Variants in IL7 observed in about 807,000 individuals in gnomAD.
The protein encoded by IL7 is interleukin 7.
IL7 carries 3 observed loss-of-function variants against 21.6 expected under a neutral mutation model. That is an observed-to-expected ratio of 0.14 (90% CI 0.06 to 0.36). IL7 has a LOEUF of 0.36. Among genes scored for constraint, IL7 ranks in the 10% least tolerant of loss-of-function variants. The pLI, the probability that IL7 is intolerant of heterozygous loss-of-function variation, is 1.00. For missense variants in IL7, 175 were observed against 200.2 expected (o/e 0.87, Z 0.76); for synonymous variants, 62 against 68.1 (o/e 0.91, Z 0.44).
chr8:78,712,024 G>T (rs991393005), intron 3 of IL7: 4 of 1,289,496 alleles, frequency 3.1e-6, no homozygotes, highest in Non-Finnish European at 4.0e-6. Context: ...ACTTCGAACG[G>T]GAAGACTTGT....
At chr8:78,687,612 T>TTATATTTACGTAATACATTA (rs1810041147) in intron 3 of IL7, among the ~76,000 whole-genome samples, 1 of 135,558 alleles carries the variant, frequency 7.4e-6, no homozygotes, top group Admixed American at 8.1e-5. Context: ...ACATAATACA[T>TTATATTTACGTAATACATTA]TATATATATT....
At chr8:78,741,849 T>C (rs980248133) in intron 2 of IL7, among the ~76,000 whole-genome samples, 1 of 152,216 alleles carries the variant, frequency 6.6e-6, no homozygotes, top group Non-Finnish European at 1.5e-5. Flanking sequence ...TCTAAAATTC[T>C]TTTCATTCAT....
chr8:78,718,718 G>A (rs878885476), intron 6 of IL7: 1 of 151,732 alleles, frequency 6.6e-6, no homozygotes, highest in African/African-American at 2.4e-5. Context: ...TCACGACACA[G>A]CTCTTAATCA....
intron 2 of IL7, among the ~76,000 whole-genome samples, chr8:78,750,883 G>GA (rs1812145582): frequency 6.6e-6 from 1 of 152,114 alleles, no homozygotes; most frequent in African/African-American, 2.4e-5. Context: ...GAGCTGTAAT[G>GA]AAAAAATTAG....
intron 2 of IL7, chr8:78,762,448 G>C: frequency 6.4e-7 from 1 of 1,570,136 alleles, no homozygotes; most frequent in Non-Finnish European, 8.6e-7. Flanking sequence ...CCGCCCGCCG[G>C]CCGGTCCAGC....
At chr8:78,771,125 G>C (rs1351635851) in intron 2 of IL7, among the ~76,000 whole-genome samples, 1 of 152,108 alleles carries the variant, frequency 6.6e-6, no homozygotes. Context: ...ATGTCAGAAA[G>C]TGTTTTCCTA....
At chr8:78,793,313 A>C (rs1022143857) in intron 2 of IL7, among the ~76,000 whole-genome samples, 1 of 152,098 alleles carries the variant, frequency 6.6e-6, no homozygotes, top group African/African-American at 2.4e-5. Context: ...CTAGAATTAG[A>C]TAGTGATAAT....
intron 2 of IL7, among the ~76,000 whole-genome samples, chr8:78,770,452 C>G (rs1812912439): frequency 6.6e-6 from 1 of 152,066 alleles, no homozygotes; most frequent in Non-Finnish European, 1.5e-5. Flanking sequence ...AAAAATTCAC[C>G]TTGATATATC....
intron 1 of IL7, 84 bp downstream of exon 1, chr8:78,804,829 T>C: frequency 6.5e-7 from 1 of 1,529,690 alleles, no homozygotes; most frequent in Non-Finnish European, 9.0e-7. Flanking sequence ...CGGACTTGCC[T>C]AGGAGCAGGG....
At chr8:78,696,370 G>GTA (rs1447260377) in intron 3 of IL7, among the ~76,000 whole-genome samples, 1 of 152,076 alleles carries the variant, frequency 6.6e-6, no homozygotes, top group East Asian at 1.9e-4. Context: ...TCTTGATACC[G>GTA]TATTGGGCTA....
intron 2 of IL7, chr8:78,761,209 A>G (rs940130640): frequency 3.8e-5 from 60 of 1,592,100 alleles, no homozygotes; most frequent in Non-Finnish European, 4.7e-5. Context: ...GAAAAAGAAC[A>G]GAAATTACGT....
At chr8:78,712,073 C>T in intron 3 of IL7, 1 of 1,289,288 alleles carries the variant, frequency 7.8e-7, no homozygotes, top group Non-Finnish European at 1.0e-6. Context: ...TCAGACAGTG[C>T]CATCAAAAGA....
intron 3 of IL7, among the ~76,000 whole-genome samples, chr8:78,688,825 T>G (rs934373056): frequency 2.0e-5 from 3 of 152,276 alleles, no homozygotes; most frequent in African/African-American, 7.2e-5. Context: ...GCCTGTATTT[T>G]AAAATGTATT....
At chr8:78,750,092 A>T (rs776027068) in intron 2 of IL7, among the ~76,000 whole-genome samples, 3 of 151,976 alleles carry the variant, frequency 2.0e-5, no homozygotes, top group Non-Finnish European at 2.9e-5. Context: ...AAGGGCCTAA[A>T]CTCAAGGGTG....
chr8:78,777,126 G>C (rs992468234), intron 2 of IL7, among the ~76,000 whole-genome samples: 20 of 151,994 alleles, frequency 1.3e-4, no homozygotes, highest in African/African-American at 4.3e-4. Flanking sequence ...GTCTAGTTGA[G>C]ATTCACCTCT....
chr8:78,791,999 A>G (rs932735781), intron 2 of IL7, among the ~76,000 whole-genome samples: 3 of 152,204 alleles, frequency 2.0e-5, no homozygotes, highest in African/African-American at 4.8e-5. Context: ...AATGATTTTA[A>G]GAAAATAAAA....
At chr8:78,696,434 C>G (rs1333181413) in intron 3 of IL7, among the ~76,000 whole-genome samples, 2 of 152,130 alleles carry the variant, frequency 1.3e-5, no homozygotes, top group Admixed American at 1.3e-4. Context: ...AAGCATTGGG[C>G]TAGAACCAGC....
intron 5 of IL7, among the ~76,000 whole-genome samples, chr8:78,735,276 C>CTTTTTTTTTTTTTTTTGTTTTTTTTTTTT (rs1328298966): frequency 1.3e-5 from 1 of 78,518 alleles, no homozygotes; most frequent in Non-Finnish European, 2.3e-5. Context: ...CTTTTCTTTT[C>CTTTTTTTTTTTTTTTTGTTTTTTTTTTTT]TTTTTTTTTT....
At chr8:78,722,924 A>G (rs1188655625) in intron 3 of IL7, among the ~76,000 whole-genome samples, 1 of 151,828 alleles carries the variant, frequency 6.6e-6, no homozygotes, top group Non-Finnish European at 1.5e-5. Flanking sequence ...GCACAGAGCC[A>G]TAAATTTGAT....
Sources: gnomAD v4.1 joint callset for allele counts (sites outside exome capture counted in the v4.1 genomes callset) on GRCh38, gnomAD v4.1.1 for gene constraint, MANE v1.5 for transcripts, NCBI Gene and HGNC (gene_info 2026-07-23, HGNC 2026-07-21) for gene names.